The following ADCK1 variants were observed in gnomAD, a reference collection of about 807,000 sequenced individuals.
ADCK1 encodes the protein aarF domain containing kinase 1.
Under a neutral mutation model 52.3 loss-of-function variants are expected in ADCK1, and 41 were observed. That is an observed-to-expected ratio of 0.78 (90% CI 0.61 to 1.02). ADCK1 has a LOEUF of 1.02. Among genes scored for constraint, ADCK1 ranks in the 50% least tolerant of loss-of-function variants. The probability of loss-of-function intolerance (pLI) is 0.00; values close to 1 mark genes in which losing one functional copy is unlikely to be tolerated. For synonymous variants in ADCK1, 250 were observed against 274.6 expected, an observed-to-expected ratio of 0.91 and a Z score of 0.89; for missense variants, 658 against 679.5, an observed-to-expected ratio of 0.97 and a Z score of 0.35.
chr14:77,875,567 G>A (rs2082881292), intron 4 of ADCK1, among the ~76,000 whole-genome samples: 1 of 152,136 alleles, frequency 6.6e-6, no homozygotes, highest in Non-Finnish European at 1.5e-5. Context: ...CACCGGGTTT[G>A]TGGATGGAGA....
At chr14:77,918,696 A>G (rs576995951) in intron 7 of ADCK1, among the ~76,000 whole-genome samples, 1 of 152,356 alleles carries the variant, frequency 6.6e-6, no homozygotes, top group Admixed American at 6.5e-5. Flanking sequence ...ACTTAGAAAT[A>G]AGGCCAGGAG....
In ADCK1 at chr14:77,819,008, G is replaced by A. The variant is rs139573437; in HGVS notation, c.30G>A (p.Ser10=). The A allele has an allele frequency of 7.8e-5, 126 of 1,614,140 alleles. No individual in the cohort carries two copies. The East Asian group carries it at 2.6e-3, about 33-fold the overall frequency. ...CCAGAAAGGCTCTCAAGCTTGCTTC[G>A]TGGACCAGCATGGCTCTTGCTGCCT... MARKALKLA[S]WTSMALAASG... The change falls in exon 2 of 11, where the codon TCG becomes TCA. Residue 10 remains serine (S), a synonymous_variant. Transcript: ENST00000238561.
intron 4 of ADCK1, among the ~76,000 whole-genome samples, chr14:77,864,615 A>G (rs759934574): frequency 1.7e-4 from 25 of 151,370 alleles, no homozygotes; most frequent in Admixed American, 1.1e-3. Flanking sequence ...CTCTAGAGAA[A>G]CAGAACCAAT....
At chr14:77,886,666 C>T (rs1439326906) in intron 4 of ADCK1, among the ~76,000 whole-genome samples, 1 of 152,070 alleles carries the variant, frequency 6.6e-6, no homozygotes, top group Non-Finnish European at 1.5e-5. Context: ...CAGTGGCTCA[C>T]GCCTGTAATC....
At chr14:77,815,199 CTTTTTTTTT>C (rs56211176) in intron 1 of ADCK1, among the ~76,000 whole-genome samples, 1 of 129,442 alleles carries the variant, frequency 7.7e-6, no homozygotes, top group Admixed American at 8.0e-5. Flanking sequence ...TTTGTTTTGT[CTTTTTTTTT>C]TTTTTTTTTC....
intron 4 of ADCK1, among the ~76,000 whole-genome samples, chr14:77,866,173 A>G (rs2082656277): frequency 1.3e-5 from 2 of 152,240 alleles, no homozygotes; most frequent in Admixed American, 1.3e-4. Flanking sequence ...TGTTCTTTTC[A>G]GAATATGAGA....
chr14:77,879,605 T>G (rs890292160), intron 4 of ADCK1, among the ~76,000 whole-genome samples: 2 of 152,076 alleles, frequency 1.3e-5, no homozygotes, highest in African/African-American at 4.8e-5. Context: ...TGTTCAAGAT[T>G]TTGGCTCTAG....
At chr14:77,844,666 G>C (rs566501143) in intron 3 of ADCK1, among the ~76,000 whole-genome samples, 1 of 152,322 alleles carries the variant, frequency 6.6e-6, no homozygotes, top group South Asian at 2.1e-4. Context: ...CCACATAGAT[G>C]ATGGTGTGAC....
At chr14:77,842,636 C>T (rs76781383) in intron 3 of ADCK1, among the ~76,000 whole-genome samples, 4,824 of 151,540 alleles carry the variant, frequency 0.032, 145 homozygotes, top group South Asian at 0.12. Flanking sequence ...TTGCAATCTC[C>T]GTCTCCTGGG....
At chr14:77,850,191 A>G (rs2082253740) in intron 3 of ADCK1, among the ~76,000 whole-genome samples, 1 of 149,288 alleles carries the variant, frequency 6.7e-6, no homozygotes, top group South Asian at 2.1e-4. Context: ...TAGGAGACAC[A>G]GTAAAACCTT....
At chr14:77,868,003 G>A (rs1192223782) in intron 4 of ADCK1, among the ~76,000 whole-genome samples, 2 of 152,184 alleles carry the variant, frequency 1.3e-5, no homozygotes, top group East Asian at 3.8e-4. Flanking sequence ...GCAAAATTTG[G>A]CAGTTAAGAC....
At chr14:77,887,016 T>TGGCCCATCTTCCTGGCTCC in intron 4 of ADCK1, 75 bp from the exon 5 acceptor site, 1 of 1,469,586 alleles carries the variant, frequency 6.8e-7, no homozygotes, top group African/African-American at 1.4e-5. Context: ...GCCCTGACTC[T>TGGCCCATCTTCCTGGCTCC]GGCCCATCTT....
intron 4 of ADCK1, among the ~76,000 whole-genome samples, chr14:77,878,469 A>G (rs1431954286): frequency 5.3e-5 from 8 of 152,328 alleles, no homozygotes; most frequent in East Asian, 1.9e-4. Context: ...CTCAAATTCA[A>G]GGGGGAGGTG....
chr14:77,828,923 T>C (rs1447626818), intron 3 of ADCK1, among the ~76,000 whole-genome samples: 1 of 151,434 alleles, frequency 6.6e-6, no homozygotes, highest in African/African-American at 2.4e-5. Context: ...TTCCTTTATA[T>C]CCAAAACAAT....
At chr14:77,819,305 C>T (rs959055588) in intron 2 of ADCK1, among the ~76,000 whole-genome samples, 192 bp downstream of exon 2, 5 of 152,166 alleles carry the variant, frequency 3.3e-5, no homozygotes, top group African/African-American at 1.2e-4. Flanking sequence ...CCTGAACACA[C>T]AACCTCATAT....
chr14:77,882,265 C>G (rs947144882), intron 4 of ADCK1, among the ~76,000 whole-genome samples: 1 of 151,206 alleles, frequency 6.6e-6, no homozygotes, highest in South Asian at 2.1e-4. Flanking sequence ...GTAGGGGGGG[C>G]CAGCTCGAGA....
rs200082195 is a variant in ADCK1, at chr14:77,859,190, A to G, written c.334A>G (p.Thr112Ala). The change falls in exon 4 of 11, where the codon ACC becomes GCC. Residue 112 changes from threonine to alanine, a missense_variant. Physicochemically the swap from Thr to Ala is moderately conservative, Grantham distance 58 (BLOSUM62 0). Coordinates refer to ENST00000238561, the MANE Select transcript of ADCK1 (RefSeq NM_020421.4). ...ALDYLLPEEY[T>A]STLKVLHSQA... is the part of the protein sequence containing the mutation. ...GGACTACCTGTTGCCAGAGGAGTACACCAGCACGCTGAAGGTACTGCACAG... is the reference window on the plus strand; with the variant it reads ...GGACTACCTGTTGCCAGAGGAGTACGCCAGCACGCTGAAGGTACTGCACAG... 6.2e-7 allele frequency: 1 copy of G among 1,613,942 alleles called. No individual in the cohort carries two copies. The highest frequency in any genetic ancestry group is 8.5e-7 in the Non-Finnish European group (1 of 1,180,014).
chr14:77,881,653 C>A (rs2083028097), intron 4 of ADCK1, among the ~76,000 whole-genome samples: 1 of 152,092 alleles, frequency 6.6e-6, no homozygotes, highest in Non-Finnish European at 1.5e-5. Context: ...CACCCTTTTC[C>A]CCCCTAATAA....
At chr14:77,899,898 C>T (rs975280456) in intron 6 of ADCK1, among the ~76,000 whole-genome samples, 54 of 151,262 alleles carry the variant, frequency 3.6e-4, no homozygotes, top group African/African-American at 1.2e-3. Flanking sequence ...GGTGAAACCT[C>T]GTCTCTACTA....
Sources: allele counts gnomAD v4.1 joint callset (sites outside exome capture counted in the v4.1 genomes callset), GRCh38; gene constraint gnomAD v4.1.1; transcripts MANE v1.5; gene names NCBI Gene and HGNC (gene_info 2026-07-23, HGNC 2026-07-21).